RUVBL2: variants seen among roughly 807,000 people sequenced by gnomAD.
The protein encoded by RUVBL2 is ruvB-like 2.
A neutral mutation model predicts 57.9 loss-of-function variants in RUVBL2; 9 were observed. That is an observed-to-expected ratio of 0.16 (90% CI 0.09 to 0.27). The LOEUF is 0.27. Among genes scored for constraint, RUVBL2 ranks in the 10% least tolerant of loss-of-function variants. The pLI, the probability that RUVBL2 is intolerant of heterozygous loss-of-function variation, is 1.00. For synonymous variants in RUVBL2, 278 were observed against 264.6 expected, an observed-to-expected ratio of 1.05 and a Z score of -0.49; for missense variants, 456 against 669.6, an observed-to-expected ratio of 0.68 and a Z score of 3.52.
At chr19:49,002,828 G>A (rs948296009) in intron 2 of RUVBL2, among the ~76,000 whole-genome samples, 2 of 152,014 alleles carry the variant, frequency 1.3e-5, no homozygotes, top group African/African-American at 2.4e-5. Context: ...CCAGTGATCC[G>A]CCCGCCTCGG....
chr19:49,004,143 AG>A, intron 3 of RUVBL2, 133 bp from the exon 4 acceptor site: 2 of 825,334 alleles, frequency 2.4e-6, no homozygotes, highest in Non-Finnish European at 3.6e-6. Flanking sequence ...AAAAAAAAGC[AG>A]GGAAAGCTTT....
intron 4 of RUVBL2, among the ~76,000 whole-genome samples, chr19:49,005,461 C>T (rs193233357): frequency 1.9e-4 from 29 of 152,204 alleles, no homozygotes; most frequent in Non-Finnish European, 2.9e-4. Flanking sequence ...GGTAGGAAAA[C>T]GGGGCATGTG....
intron 6 of RUVBL2, among the ~76,000 whole-genome samples, chr19:49,008,979 CA>C (rs1568638678): frequency 6.7e-6 from 1 of 149,286 alleles, no homozygotes; most frequent in Admixed American, 6.7e-5. Flanking sequence ...AACTCCATCT[CA>C]AAAATAAATA....
At chr19:49,006,285 T>C (rs1014576052) in intron 4 of RUVBL2, among the ~76,000 whole-genome samples, 8 of 152,246 alleles carry the variant, frequency 5.3e-5, no homozygotes, top group Admixed American at 3.3e-4. Context: ...GGACCAAACC[T>C]TGTGGCCAGG....
intron 8 of RUVBL2, 142 bp downstream of exon 8, chr19:49,010,208 C>T (rs1255597866): frequency 2.4e-6 from 2 of 846,530 alleles, no homozygotes; most frequent in South Asian, 1.5e-5. Flanking sequence ...TCCCTGTAAC[C>T]CTAGGACAGC....
At position 49,015,566 on chromosome 19, in the gene RUVBL2, C is replaced by G. The variant is rs1233915312; in HGVS notation, c.1252-6C>G. The G allele has an allele frequency of 2.5e-6, 4 of 1,611,026 alleles. No homozygotes were observed. The highest frequency in any genetic ancestry group is 2.7e-5 in the African/African-American group (2 of 74,868). On this transcript the variant is annotated splice_polypyrimidine_tract_variant and splice_region_variant and intron_variant, in intron 13 of 14. Coordinates refer to ENST00000595090, the MANE Select transcript of RUVBL2 (RefSeq NM_006666.3). ...GCCCAACTGAGGACTCGCCCTCCCC[C>G]TCCAGGGTACAGAAGTGCAGGTGGA... is the stretch of plus-strand genomic sequence containing the variant.
chr19:49,007,943 G>A (rs1022897366), intron 6 of RUVBL2, among the ~76,000 whole-genome samples: 6 of 150,214 alleles, frequency 4.0e-5, no homozygotes, highest in Non-Finnish European at 7.4e-5. Flanking sequence ...TCCTGACCTC[G>A]TGATCTGCCC....
In RUVBL2 at chr19:49,011,028, C is replaced by T. The variant is rs750954816; in HGVS notation, c.817C>T (p.Arg273Cys). The T allele has an allele frequency of 2.5e-6, 4 of 1,611,022 alleles. No homozygotes were observed. The highest frequency in any genetic ancestry group is 3.4e-6 in the Non-Finnish European group (4 of 1,178,742). Residue 273 changes from arginine (R) to cysteine (C), a missense_variant, in exon 10 of 15, where the codon CGT becomes TGT. Arg to Cys is a radical substitution (Grantham distance 180, BLOSUM62 -3). Around this residue, in one of 5 missense-constraint regions of RUVBL2, gnomAD observed 130 missense variants for 243.0 expected, o/e 0.53. Transcript: ENST00000595090. The surrounding 1 kb of genome is among the most constrained non-coding windows in gnomAD (Gnocchi z 4.4). ...GDTGEIKSEV[R>C]EQINAKVAEW... is the part of the protein sequence containing the mutation. ...CACAGGGGAGATCAAGTCAGAAGTC[C>T]GTGAGCAGATCAATGCCAAGGTGGC...
Position 49,010,473 on chromosome 19 carries a change from A to ACCCCCCCCCCC in RUVBL2, c.664-10_664-9insCCCCCCCCCCC. ...GCCCTGTCTCCGCCGTTCTTCCCCC[A>ACCCCCCCCCCC]CCCCCGCCCCATAGACCAAGTTCGT... On this transcript the variant is annotated splice_polypyrimidine_tract_variant and intron_variant, in intron 8 of 14. Transcript: ENST00000595090. 4.0e-6 allele frequency: 3 copies of ACCCCCCCCCCC among 753,970 alleles called. No homozygotes were observed. Among genetic ancestry groups the ACCCCCCCCCCC allele is most frequent in the Non-Finnish European group, 6.0e-6 (3 of 503,148 alleles). The allele number at this position is 753,970 out of a possible 1,614,324, so 46.7% of individuals were successfully genotyped here. A position where few individuals can be genotyped will look rare whatever the true frequency, so the allele number is the denominator to read the frequency against.
At chr19:48,994,349 TTCAGTGTGTCTGAGAGCGCGAGGGCG>T (rs1351157270) in intron 1 of RUVBL2, 1 of 211,162 alleles carries the variant, frequency 4.7e-6, no homozygotes, top group Non-Finnish European at 9.8e-6. Flanking sequence ...CAGGTACCTG[TTCAGTGTGTCTGAGAGCGCGAGGGCG>T]CCTAGTGAGC....
intron 11 of RUVBL2, among the ~76,000 whole-genome samples, chr19:49,013,502 A>G (rs1205120031): frequency 2.0e-5 from 3 of 152,120 alleles, no homozygotes; most frequent in African/African-American, 7.2e-5. Context: ...GTGAAGCCTG[A>G]CGGAGAAAAT....
rs977348848 is a variant in RUVBL2 at position 49,011,922 on chromosome 19, C to G, written c.1001+612C>G. Among the ~76,000 whole-genome samples the G allele has an allele frequency of 2.6e-5, 4 of 152,018 alleles. No individual in the cohort carries two copies. Among genetic ancestry groups the G allele is most frequent in the Non-Finnish European group, 5.9e-5 (4 of 67,986 alleles). On this transcript the variant is annotated intron_variant, in intron 11 of 14. Coordinates refer to ENST00000595090, the MANE Select transcript of RUVBL2 (RefSeq NM_006666.3). This position sits in a 1 kb window ranked among gnomAD's most constrained non-coding sequence, Gnocchi z 4.4. Reference sequence around the variant, plus strand: ...GTGCTGAAGCCTGGGAACCTCGTCTCCCAGGTGTTGCCAGCACCCTGTGTA... The same window carrying G: ...GTGCTGAAGCCTGGGAACCTCGTCTGCCAGGTGTTGCCAGCACCCTGTGTA...
intron 9 of RUVBL2, 44 bp from the exon 10 acceptor site, chr19:49,010,955 C>T (rs770696965): frequency 5.1e-5 from 79 of 1,550,228 alleles, no homozygotes; most frequent in Middle Eastern, 3.3e-4. Flanking sequence ...CCCTGGAACC[C>T]GCCTCCTCTC....
rs145076566 is a variant in RUVBL2, at chr19:49,005,550, C to T, written c.265+1132C>T. Among the ~76,000 whole-genome samples, 264 of 151,830 alleles carry T rather than the reference C, an allele frequency of 1.7e-3. 1 individual carries two copies. The highest frequency in any genetic ancestry group is 6.0e-3 in the African/African-American group (248 of 41,432). Reference sequence around the variant, plus strand: ...GTAGGATGGCCAGGAGGCTCCTGGGCGGACACTGGGGACAGCATGTCCAGG... The same window carrying T: ...GTAGGATGGCCAGGAGGCTCCTGGGTGGACACTGGGGACAGCATGTCCAGG... On this transcript the variant is annotated intron_variant, in intron 4 of 14. Coordinates refer to ENST00000595090, the MANE Select transcript of RUVBL2 (RefSeq NM_006666.3).
intron 3 of RUVBL2, 167 bp from the exon 4 acceptor site, chr19:49,004,110 T>G (rs2039236318): frequency 3.8e-6 from 3 of 786,946 alleles, no homozygotes; most frequent in Admixed American, 7.0e-5. Context: ...AGCGAGATCT[T>G]GTCTCAAAAA....
At chr19:49,009,923 G>A in intron 7 of RUVBL2, 41 bp downstream of exon 7, 1 of 1,612,916 alleles carries the variant, frequency 6.2e-7, no homozygotes, top group Non-Finnish European at 8.5e-7. Context: ...AGGGGGATGG[G>A]CGAGCTTGGG....
rs536848417 is a variant in RUVBL2 at position 48,996,587 on chromosome 19, G to A, written c.12+2664G>A. 1.2e-4 allele frequency among the ~76,000 whole-genome samples: 18 copies of A among 151,802 alleles called. No homozygotes were observed. In the South Asian group the frequency reaches 2.5e-3, roughly 21 times the overall value. ...GATGCCCAGGCTGGAGTGCAGTGGC[G>A]CGATCTCTGCTCGCTACAACCTCCG... On this transcript the variant is annotated intron_variant, in intron 1 of 14. Transcript: ENST00000595090.
rs755510150 is a variant in RUVBL2, at chr19:48,993,916, C to T, written c.5C>T (p.Ala2Val). Reference sequence around the variant, plus strand: ...CTCTGGCAGTTGGTGAGCATCATGGCAACCGTTGTAAGTGTGGGTGCATGG... The same window carrying T: ...CTCTGGCAGTTGGTGAGCATCATGGTAACCGTTGTAAGTGTGGGTGCATGG... M[A>V]TVTATTKVPE... Residue 2 changes from alanine (A) to valine (V), a missense_variant, in exon 1 of 15, where the codon GCA (alanine) becomes GTA (valine). By Grantham distance (64) the Ala-to-Val change is moderately conservative. Transcript: ENST00000595090. The T allele has an allele frequency of 1.6e-5, 26 of 1,613,940 alleles. No individual in the cohort carries two copies. The South Asian group carries it at 2.4e-4, about 15-fold the overall frequency.
At chr19:49,010,154 A>G in intron 8 of RUVBL2, 88 bp downstream of exon 8, 3 of 1,195,442 alleles carry the variant, frequency 2.5e-6, no homozygotes, top group Non-Finnish European at 3.6e-6. Context: ...TGGGGTCTGG[A>G]TCTTCCTGTT....
Sources: allele counts gnomAD v4.1 joint callset (sites outside exome capture counted in the v4.1 genomes callset), GRCh38; gene constraint gnomAD v4.1.1; regional missense constraint gnomAD v4.1.1; non-coding constraint Gnocchi (gnomAD v3.1); transcripts MANE v1.5; gene names NCBI Gene and HGNC (gene_info 2026-07-23, HGNC 2026-07-21).